Variants in ARFGEF3 observed in about 807,000 individuals in gnomAD.
ARFGEF3 encodes ARFGEF family member 3.
Under a neutral mutation model 221.7 loss-of-function variants are expected in ARFGEF3, and 96 were observed. The ratio of observed to expected loss-of-function variants is 0.43; its 90% CI spans 0.37 to 0.51. The LOEUF (loss-of-function observed/expected upper bound fraction) is 0.51, where lower values mean the gene tolerates loss of function less well. ARFGEF3 is among the 20% of genes least tolerant of loss of function. The pLI is 0.00. For synonymous variants in ARFGEF3, 1,145 were observed against 1,126.8 expected (o/e 1.02, Z -0.32); for missense variants, 2,410 against 2,789.9 (o/e 0.86, Z 3.07).
At chr6:138,215,890 A>ATGTG (rs1777838241) in intron 4 of ARFGEF3, 2 of 89,046 alleles carry the variant, frequency 2.2e-5, no homozygotes, top group African/African-American at 4.0e-5. Context: ...GTGTGTGTGA[A>ATGTG]AGAGAGAGAG....
In ARFGEF3 at chr6:138,281,182, G is replaced by A. The variant is rs114520875; in HGVS notation, c.2461+1018G>A. Among the ~76,000 whole-genome samples, 923 of 152,268 alleles carry A rather than the reference G, an allele frequency of 6.1e-3. 13 individuals carry two copies. Among genetic ancestry groups the A allele is most frequent in the African/African-American group, 0.021 (881 of 41,548 alleles). On this transcript the variant is annotated intron_variant, in intron 14 of 33. Transcript: ENST00000251691. ...GGGCGGTGCCAGTTTAAGTTAGACA[G>A]GCAAGCAGGGGCTGGGCAGATGTCC...
At position 138,263,362 on chromosome 6, in the gene ARFGEF3, G is replaced by A. The variant is rs376236619; in HGVS notation, c.1879G>A (p.Val627Met). 5.5e-5 allele frequency: 89 copies of A among 1,613,922 alleles called. No homozygotes were observed. Among genetic ancestry groups the A allele is most frequent in the Non-Finnish European group, 7.0e-5 (83 of 1,179,902 alleles). ...AAEKDSGRSD[V>M]SDIGSDNCSL... is the part of the protein sequence containing the mutation. The stretch of plus-strand genomic sequence containing the variant: ...AGAAAAGGACTCGGGCAGGTCCGAC[G>A]TGTCAGACATTGGGTCGGACAACTG... The change falls in exon 12 of 34, where the codon GTG becomes ATG. Residue 627 changes from valine to methionine, a missense_variant. Physicochemically the swap from Val to Met is conservative, Grantham distance 21 (BLOSUM62 1). Transcript: ENST00000251691.
chr6:138,323,650 TTTAC>T lies in ARFGEF3; in HGVS notation c.4767-18_4767-15del, dbSNP rs1350847285. 3.0e-5 allele frequency: 47 copies of T among 1,592,484 alleles called. No homozygotes were observed. The highest frequency in any genetic ancestry group is 3.8e-5 in the Non-Finnish European group (44 of 1,170,650). ...ACAACAACAACAAAAAAAAAACTCC[TTTAC>T]TTGTTTCTTTTGGCAGATACGTCCT... On this transcript the variant is annotated splice_polypyrimidine_tract_variant and intron_variant, in intron 29 of 33. Coordinates refer to ENST00000251691, the MANE Select transcript of ARFGEF3 (RefSeq NM_020340.5).
chr6:138,324,056 A>T lies in ARFGEF3; in HGVS notation c.4903A>T (p.Ser1635Cys). ...LLGCFHSGTE[S>C]FSGEGCQVRV... is the part of the protein sequence containing the mutation. The stretch of plus-strand genomic sequence containing the variant: ...GGGCTGCTTCCACAGCGGCACGGAG[A>T]GCTTCAGCGGGGAAGGCTGCCAGGT... Residue 1635 changes from serine to cysteine, a missense_variant, in exon 31 of 34, where the codon AGC becomes TGC. Physicochemically the swap from Ser to Cys is moderately radical, Grantham distance 112. Transcript: ENST00000251691. 6.2e-7 allele frequency: 1 copy of T among 1,613,814 alleles called. No homozygotes were observed. Among genetic ancestry groups the T allele is most frequent in the Non-Finnish European group, 8.5e-7 (1 of 1,179,860 alleles).
intron 32 of ARFGEF3, 66 bp from the exon 33 acceptor site, chr6:138,333,904 T>C (rs939198730): frequency 1.3e-6 from 2 of 1,510,018 alleles, no homozygotes; most frequent in South Asian, 1.3e-5. Flanking sequence ...GTAACGTCTA[T>C]ATTGCTTTGA....
chr6:138,259,224 AC>A (rs1013712402), intron 10 of ARFGEF3, among the ~76,000 whole-genome samples: 18 of 152,344 alleles, frequency 1.2e-4, no homozygotes, highest in African/African-American at 3.6e-4. Context: ...ACCACTGGGT[AC>A]CCAGGATGTT....
chr6:138,240,641 G>A (rs1778376566), intron 6 of ARFGEF3, among the ~76,000 whole-genome samples: 1 of 152,110 alleles, frequency 6.6e-6, no homozygotes, highest in African/African-American at 2.4e-5. Flanking sequence ...CAAATTAGGT[G>A]GAAAATTGGT....
chr6:138,257,652 A>C (rs111722405), intron 10 of ARFGEF3, among the ~76,000 whole-genome samples: 1,711 of 152,172 alleles, frequency 0.011, 16 homozygotes, highest in Non-Finnish European at 0.018. Context: ...ATCACTGGAC[A>C]TGACTCTCAC....
intron 14 of ARFGEF3, among the ~76,000 whole-genome samples, chr6:138,284,464 G>A (rs1010779164): frequency 9.2e-5 from 14 of 152,072 alleles, no homozygotes; most frequent in African/African-American, 3.1e-4. Context: ...GAGGAACTTG[G>A]GGCCTTGGCG....
intron 5 of ARFGEF3, among the ~76,000 whole-genome samples, chr6:138,237,068 T>C (rs1270640383): frequency 5.9e-5 from 9 of 151,460 alleles, no homozygotes; most frequent in Admixed American, 5.3e-4. Context: ...CAATAGGAGA[T>C]AAATTAAACT....
In ARFGEF3 at chr6:138,304,193, G is replaced by A. The variant is rs924722237; in HGVS notation, c.3829-3060G>A. On this transcript the variant is annotated intron_variant, in intron 22 of 33. Coordinates refer to ENST00000251691, the MANE Select transcript of ARFGEF3 (RefSeq NM_020340.5). ...AAAAATGAAGTACTGATATATGTAC[G>A]ACATGGATGAATCTTGAAAACATTA... 9.9e-5 allele frequency among the ~76,000 whole-genome samples: 15 copies of A among 152,198 alleles called. No homozygotes were observed. The East Asian group carries it at 1.5e-3, about 16-fold the overall frequency.
At chr6:138,183,882 C>T (rs537098574) in intron 2 of ARFGEF3, among the ~76,000 whole-genome samples, 4 of 152,278 alleles carry the variant, frequency 2.6e-5, no homozygotes, top group Admixed American at 6.5e-5. Flanking sequence ...ACAGAAGTGG[C>T]CTCAACCTCC....
Position 138,255,646 on chromosome 6 carries a change from C to G in ARFGEF3, c.981C>G (p.Ala327=), listed in dbSNP as rs953338625. 1.9e-6 allele frequency: 3 copies of G among 1,613,778 alleles called. No homozygotes were observed. In the Admixed American group the frequency reaches 5.0e-5, roughly 27 times the overall value. Reference sequence around the variant, plus strand: ...CTCGGACTATCTATTACATCGCAGCCGAGCTGGTCCGGCTGGTGGGGTCTG... The same window carrying G: ...CTCGGACTATCTATTACATCGCAGCGGAGCTGGTCCGGCTGGTGGGGTCTG... ...PVARTIYYIA[A]ELVRLVGSVD... is the part of the protein sequence containing the mutation. The change falls in exon 10 of 34, where the codon GCC becomes GCG. Residue 327 remains alanine, a synonymous_variant. Coordinates refer to ENST00000251691, the MANE Select transcript of ARFGEF3 (RefSeq NM_020340.5).
chr6:138,210,023 G>C lies in ARFGEF3; in HGVS notation c.333G>C (p.Leu111=). 1 of 1,613,740 alleles carries C rather than the reference G, an allele frequency of 6.2e-7. No homozygotes were observed. Among genetic ancestry groups the C allele is most frequent in the Non-Finnish European group, 8.5e-7 (1 of 1,179,744 alleles). Residue 111 remains leucine (L), a synonymous_variant, in exon 4 of 34, where the codon CTG becomes CTC. Coordinates refer to ENST00000251691, the MANE Select transcript of ARFGEF3 (RefSeq NM_020340.5). ...TGACGCCTTCGCTCAACGAGGACCT[G>C]CAGGTGGAAGTGATGAAGGTTGGTT... ...VKVTPSLNED[L]QVEVMKVLLC...
chr6:138,234,657 A>T (rs927861953), intron 5 of ARFGEF3, among the ~76,000 whole-genome samples: 6 of 152,046 alleles, frequency 3.9e-5, no homozygotes, highest in African/African-American at 1.4e-4. Context: ...GAGAGCCAAG[A>T]TTTTCTCTGG....
chr6:138,263,157 C>T lies in ARFGEF3; in HGVS notation c.1674C>T (p.Asp558=), dbSNP rs751958029. 1 of 1,613,956 alleles carries T rather than the reference C, an allele frequency of 6.2e-7. No individual in the cohort carries two copies. The highest frequency in any genetic ancestry group is 1.1e-5 in the South Asian group (1 of 91,074). The part of the protein sequence containing the change: ...LSKVLETEAV[D]QPDVVQRSHT... Reference sequence around the variant, plus strand: ...AAGTATTGGAAACAGAGGCGGTAGACCAGCCAGATGTCGTGCAGAGAAGCC... The same window carrying T: ...AAGTATTGGAAACAGAGGCGGTAGATCAGCCAGATGTCGTGCAGAGAAGCC... Residue 558 remains aspartate, a synonymous_variant, in exon 12 of 34, where the codon GAC becomes GAT. Coordinates refer to ENST00000251691, the MANE Select transcript of ARFGEF3 (RefSeq NM_020340.5).
At chr6:138,196,180 T>C (rs577486340) in intron 2 of ARFGEF3, among the ~76,000 whole-genome samples, 82 of 152,310 alleles carry the variant, frequency 5.4e-4, no homozygotes, top group Non-Finnish European at 7.1e-4. Context: ...GATTTTTTTC[T>C]CTTTCCCTCT....
chr6:138,330,761 T>A (rs1039247928), intron 32 of ARFGEF3, among the ~76,000 whole-genome samples: 1 of 152,202 alleles, frequency 6.6e-6, no homozygotes, highest in Non-Finnish European at 1.5e-5. Flanking sequence ...TAGGTAATAA[T>A]TTTTGGGGTC....
At position 138,202,894 on chromosome 6, in the gene ARFGEF3, G is replaced by GCACCTACACATACACCTACA. The variant is rs1554249956; in HGVS notation, c.138-4145_138-4144insCTACACATACACCTACACAC. Among the ~76,000 whole-genome samples, 29 of 150,976 alleles carry GCACCTACACATACACCTACA rather than the reference G, an allele frequency of 1.9e-4. 1 individual carries two copies. The South Asian group carries it at 5.9e-3, about 31-fold the overall frequency. On this transcript the variant is annotated intron_variant, in intron 2 of 33. Coordinates refer to ENST00000251691, the MANE Select transcript of ARFGEF3 (RefSeq NM_020340.5). ...CATACACCTACACACACACACACATGCACACACACCCACACACACACACAC... is the reference window on the plus strand; with the variant it reads ...CATACACCTACACACACACACACATGCACCTACACATACACCTACACACACACACCCACACACACACACAC...
Sources: allele counts gnomAD v4.1 joint callset (sites outside exome capture counted in the v4.1 genomes callset), GRCh38; gene constraint gnomAD v4.1.1; transcripts MANE v1.5; gene names NCBI Gene and HGNC (gene_info 2026-07-23, HGNC 2026-07-21).